The following ZC3H12B variants were observed in gnomAD, a reference collection of about 807,000 sequenced individuals.
The protein encoded by ZC3H12B is probable ribonuclease ZC3H12B.
Under a neutral mutation model 43.9 loss-of-function variants are expected in ZC3H12B, and 7 were observed. The observed-to-expected ratio is 0.16, with a 90% CI of 0.09 to 0.30. The LOEUF (loss-of-function observed/expected upper bound fraction) is 0.30, where lower values mean the gene tolerates loss of function less well. Ranked by LOEUF, ZC3H12B falls within the 10% of genes least tolerant of loss-of-function variation. ZC3H12B has a pLI of 1.00. For missense variants in ZC3H12B, 475 were observed against 670.2 expected, an observed-to-expected ratio of 0.71 and a Z score of 3.22; for synonymous variants, 222 against 241.7, an observed-to-expected ratio of 0.92 and a Z score of 0.76.
At chrX:65,145,039 G>A in the ZC3H12B span, among the ~76,000 whole-genome samples, 1 of 111,194 alleles carries the variant, frequency 9.0e-6, no homozygotes, top group East Asian at 2.8e-4. Context: ...TTTTTTTCTT[G>A]ATGACCTCTC....
chrX:65,409,603 G>A (rs2066879173), intron 3 of ZC3H12B, among the ~76,000 whole-genome samples: 1 of 98,896 alleles, frequency 1.0e-5, no homozygotes, highest in Non-Finnish European at 2.0e-5. Context: ...CACACAATTA[G>A]AACTGATAAA....
intron 3 of ZC3H12B, among the ~76,000 whole-genome samples, chrX:65,481,535 T>C (rs2068063766): frequency 9.0e-6 from 1 of 111,405 alleles, no homozygotes; most frequent in Admixed American, 9.6e-5. Flanking sequence ...AGACACCTCT[T>C]ACCATTCCTG....
At chrX:65,301,409 T>G in the ZC3H12B span, among the ~76,000 whole-genome samples, 1 of 111,031 alleles carries the variant, frequency 9.0e-6, no homozygotes, top group South Asian at 3.8e-4. Context: ...CAATTTGCAA[T>G]TGCAAAAATA....
At chrX:65,357,009 G>T in the ZC3H12B span, 3 of 536,846 alleles carry the variant, frequency 5.6e-6, no homozygotes, top group South Asian at 4.9e-5. Flanking sequence ...AATGGATGTT[G>T]TTACCTGGAC....
chrX:65,201,981 C>G, the ZC3H12B span, among the ~76,000 whole-genome samples: 1 of 99,743 alleles, frequency 1.0e-5, no homozygotes, highest in Non-Finnish European at 2.0e-5. Flanking sequence ...TTTCCTGAGG[C>G]CTCCTTAGCC....
chrX:65,416,713 C>T (rs749107941), intron 3 of ZC3H12B, among the ~76,000 whole-genome samples: 7 of 107,727 alleles, frequency 6.5e-5, no homozygotes, highest in South Asian at 4.1e-4. Flanking sequence ...TGGTGTGAAC[C>T]GGAAGGCGGA....
At chrX:65,109,142 G>A in the ZC3H12B span, among the ~76,000 whole-genome samples, 1 of 111,290 alleles carries the variant, frequency 9.0e-6, no homozygotes, top group Admixed American at 9.6e-5. Flanking sequence ...ACTCTTATTA[G>A]CCACCAGATT....
chrX:65,252,738 T>C, the ZC3H12B span, among the ~76,000 whole-genome samples: 1 of 112,130 alleles, frequency 8.9e-6, no homozygotes, highest in South Asian at 3.7e-4. Context: ...TGTCTTCTCA[T>C]TATTATACGT....
exon 5 of ZC3H12B, chrX:65,502,710 G>A (rs766676462): frequency 1.5e-5 from 18 of 1,210,203 alleles, no homozygotes; most frequent in Middle Eastern, 2.3e-4. Flanking sequence ...ACTGGAACAC[G>A]TTCCAGCTGT....
the ZC3H12B span, among the ~76,000 whole-genome samples, chrX:65,235,218 G>T: frequency 1.8e-5 from 2 of 111,307 alleles, no homozygotes; most frequent in South Asian, 7.5e-4. Context: ...CCAGTAATGG[G>T]ATTGCTGGGT....
the ZC3H12B span, among the ~76,000 whole-genome samples, chrX:65,158,254 G>A: frequency 9.0e-6 from 1 of 110,779 alleles, no homozygotes; most frequent in African/African-American, 3.3e-5. Flanking sequence ...TGTCTTTATA[G>A]CAGCATGATT....
the ZC3H12B span, among the ~76,000 whole-genome samples, chrX:65,255,252 C>T: frequency 2.7e-5 from 3 of 111,251 alleles, no homozygotes; most frequent in African/African-American, 9.8e-5. Context: ...GACACATAGT[C>T]ATTAGCTTCT....
the ZC3H12B span, among the ~76,000 whole-genome samples, chrX:65,153,558 A>G: frequency 8.9e-6 from 1 of 112,178 alleles, no homozygotes; most frequent in Admixed American, 9.5e-5. Context: ...TAGAATGGCA[A>G]TTATTAAAAA....
chrX:65,080,656 C>G, the ZC3H12B span, among the ~76,000 whole-genome samples: 4 of 111,449 alleles, frequency 3.6e-5, no homozygotes, highest in African/African-American at 9.8e-5. Flanking sequence ...CCTGGAGAAA[C>G]AAAGGCTTTG....
At chrX:65,053,160 A>C in the ZC3H12B span, among the ~76,000 whole-genome samples, 1 of 110,022 alleles carries the variant, frequency 9.1e-6, no homozygotes, top group Non-Finnish European at 1.9e-5. Context: ...TACAACCTGC[A>C]GGTTTGTTAC....
chrX:65,148,705 A>G, the ZC3H12B span, among the ~76,000 whole-genome samples: 1 of 111,706 alleles, frequency 9.0e-6, no homozygotes, highest in Non-Finnish European at 1.9e-5. Flanking sequence ...GATTACATGG[A>G]TAATGCATAA....
chrX:65,143,419 T>G, the ZC3H12B span, among the ~76,000 whole-genome samples: 8 of 111,310 alleles, frequency 7.2e-5, no homozygotes, highest in African/African-American at 2.6e-4. Context: ...CTGGATTTTG[T>G]CAAACCCTTT....
At chrX:65,324,175 C>T in the ZC3H12B span, among the ~76,000 whole-genome samples, 1 of 112,046 alleles carries the variant, frequency 8.9e-6, no homozygotes, top group South Asian at 3.7e-4. Flanking sequence ...GTTTCTTTTG[C>T]TGTGCAGAAG....
At chrX:65,075,683 T>A in the ZC3H12B span, among the ~76,000 whole-genome samples, 1 of 111,745 alleles carries the variant, frequency 8.9e-6, no homozygotes, top group African/African-American at 3.3e-5. Flanking sequence ...GAGTGAGTGC[T>A]TTTTGCCTAA....
Sources: gnomAD v4.1 joint callset for allele counts (sites outside exome capture counted in the v4.1 genomes callset) on GRCh38, gnomAD v4.1.1 for gene constraint, MANE v1.5 for transcripts, NCBI Gene and HGNC (gene_info 2026-07-23, HGNC 2026-07-21) for gene names.